The following CNOT1 variants were observed in gnomAD, a reference collection of about 807,000 sequenced individuals.
CNOT1 encodes the protein CCR4-associated factor 1.
A neutral mutation model predicts 273.8 loss-of-function variants in CNOT1; 15 were observed. The observed-to-expected ratio is 0.05, with a 90% confidence interval of 0.04 to 0.08. The LOEUF (loss-of-function observed/expected upper bound fraction) is 0.08, where lower values mean the gene tolerates loss of function less well. Ranked by LOEUF, CNOT1 falls within the 10% of genes least tolerant of loss-of-function variation. The probability of loss-of-function intolerance (pLI) is 1.00; values close to 1 mark genes in which losing one functional copy is unlikely to be tolerated. For synonymous variants in CNOT1, 1,022 were observed against 1,005.5 expected (o/e 1.02, Z -0.31); for missense variants, 1,644 against 2,912.2 (o/e 0.56, Z 10.02).
chr16:58,617,103 G>GT (rs2043117399), intron 1 of CNOT1, among the ~76,000 whole-genome samples: 1 of 152,186 alleles, frequency 6.6e-6, no homozygotes. Context: ...GCTCACGGCT[G>GT]TAATGCCAGC....
intron 1 of CNOT1, among the ~76,000 whole-genome samples, chr16:58,616,387 T>C (rs1488901031): frequency 6.7e-6 from 1 of 150,032 alleles, no homozygotes; most frequent in Non-Finnish European, 1.5e-5. Flanking sequence ...ATTACAGGCG[T>C]GAGCCACCAC....
intron 1 of CNOT1, among the ~76,000 whole-genome samples, chr16:58,620,304 A>T (rs1753968464): frequency 6.6e-6 from 1 of 152,138 alleles, no homozygotes; most frequent in Non-Finnish European, 1.5e-5. Flanking sequence ...CTGAGTTTGG[A>T]CTAGAATGAT....
chr16:58,523,581 G>C, intron 46 of CNOT1, 79 bp from the exon 47 acceptor site: 1 of 1,391,148 alleles, frequency 7.2e-7, no homozygotes, highest in Non-Finnish European at 9.8e-7. Context: ...GCTAGGGTTT[G>C]GGTTTCTGAC....
intron 34 of CNOT1, among the ~76,000 whole-genome samples, chr16:58,540,837 G>A (rs968919106): frequency 2.6e-5 from 4 of 152,118 alleles, no homozygotes; most frequent in East Asian, 1.9e-4. Context: ...CGACCGGTTC[G>A]GGGGAAAATA....
At chr16:58,538,131 G>A (rs758715562) in intron 37 of CNOT1, 27 bp downstream of exon 37, 13 of 1,607,994 alleles carry the variant, frequency 8.1e-6, no homozygotes, top group Non-Finnish European at 3.4e-6. Flanking sequence ...GAGTCCTTTT[G>A]TCCGTGCAAG....
At chr16:58,572,949 A>G (rs914131377) in intron 16 of CNOT1, among the ~76,000 whole-genome samples, 7 of 151,418 alleles carry the variant, frequency 4.6e-5, no homozygotes, top group Non-Finnish European at 8.8e-5. Flanking sequence ...AATAAATAAA[A>G]TAATTAATAA....
chr16:58,625,214 A>G (rs1164276466), intron 1 of CNOT1, among the ~76,000 whole-genome samples: 3 of 152,028 alleles, frequency 2.0e-5, no homozygotes, highest in Non-Finnish European at 4.4e-5. Flanking sequence ...GTAAAACCCC[A>G]TCTCTACTAA....
chr16:58,546,282 A>G (rs752411984), intron 29 of CNOT1, 39 bp downstream of exon 29: 34 of 1,532,200 alleles, frequency 2.2e-5, no homozygotes, highest in Non-Finnish European at 3.0e-5. Context: ...ATAGTATCCT[A>G]GCTAACAGAA....
chr16:58,542,561 G>A lies in CNOT1; in HGVS notation c.4442C>T (p.Ser1481Phe), dbSNP rs1175305705. The A allele has an allele frequency of 2.6e-6, 2 of 762,088 alleles. No individual in the cohort carries two copies. Among genetic ancestry groups the A allele is most frequent in the African/African-American group, 4.6e-5 (2 of 43,826 alleles). 47.2% of individuals were successfully genotyped at this position (762,088 alleles called of 1,614,324 possible). The part of the protein sequence containing the change: ...NSFASALRTA[S>F]PQQREMMDQA... ...ATCCATCATTTCTCTTTGTTGTGGG[G>A]AAGCAGTCTATTAATGGAGGTGGGT... Residue 1481 changes from serine (S) to phenylalanine (F), a missense_variant, in exon 32 of 49, where the codon TCC (serine) becomes TTC (phenylalanine). Ser to Phe is a radical substitution (Grantham distance 155). This residue lies in a region of CNOT1 where 133 missense variants were observed against 230.4 expected (regional missense o/e 0.58). Transcript: ENST00000317147.
At chr16:58,618,121 T>C (rs2043160551) in intron 1 of CNOT1, among the ~76,000 whole-genome samples, 1 of 152,148 alleles carries the variant, frequency 6.6e-6, no homozygotes, top group South Asian at 2.1e-4. Flanking sequence ...ACACAAGTTA[T>C]TAGAAAAACA....
chr16:58,555,216 G>A, intron 21 of CNOT1, 35 bp downstream of exon 21: 1 of 1,606,658 alleles, frequency 6.2e-7, no homozygotes, highest in Non-Finnish European at 8.5e-7. Context: ...GCGGGGTCAG[G>A]GAAGAGATCC....
At chr16:58,525,898 G>A (rs2039566632) in intron 45 of CNOT1, 91 bp downstream of exon 45, 4 of 1,068,910 alleles carry the variant, frequency 3.7e-6, no homozygotes, top group Non-Finnish European at 5.5e-6. Context: ...GACAATAAAA[G>A]ACTAACTCCC....
chr16:58,606,663 T>C (rs2042690351), intron 1 of CNOT1, among the ~76,000 whole-genome samples: 1 of 151,908 alleles, frequency 6.6e-6, no homozygotes, highest in Non-Finnish European at 1.5e-5. Flanking sequence ...ACTAGCCAGG[T>C]GTGGTGGCAG....
At chr16:58,590,019 C>T (rs976776873) in intron 2 of CNOT1, among the ~76,000 whole-genome samples, 8 of 152,346 alleles carry the variant, frequency 5.3e-5, no homozygotes, top group African/African-American at 1.9e-4. Flanking sequence ...GCATTTACCA[C>T]TACCTGCTAA....
At chr16:58,527,784 G>A (rs2039645279) in intron 44 of CNOT1, 1 of 182,210 alleles carries the variant, frequency 5.5e-6, no homozygotes, top group Non-Finnish European at 1.2e-5. Flanking sequence ...AGGGACCAAG[G>A]AACAACTGCA....
Position 58,547,346 on chromosome 16 carries a change from G to C in CNOT1, c.3640-50C>G, listed in dbSNP as rs2040289563. 2 of 1,597,770 alleles carry C rather than the reference G, an allele frequency of 1.3e-6. No individual in the cohort carries two copies. Among genetic ancestry groups the C allele is most frequent in the Admixed American group, 1.8e-5 (1 of 57,034 alleles). ...AAGCGGGGAATATACCCCCCAAAAT[G>C]GTATAACAAAACCAAAGAAAAGTAT... On this transcript the variant is annotated intron_variant, in intron 26 of 48. Transcript: ENST00000317147. This position sits in a 1 kb window ranked among gnomAD's most constrained non-coding sequence, Gnocchi z 4.0.
chr16:58,548,082 T>C (rs2040319861), intron 25 of CNOT1, among the ~76,000 whole-genome samples: 2 of 152,236 alleles, frequency 1.3e-5, no homozygotes, highest in African/African-American at 4.8e-5. Context: ...ATGATAGCCA[T>C]GCTTAAGTCC....
At chr16:58,622,816 T>C (rs1450035684) in intron 1 of CNOT1, among the ~76,000 whole-genome samples, 1 of 139,366 alleles carries the variant, frequency 7.2e-6, no homozygotes, top group Non-Finnish European at 1.5e-5. Context: ...CACTGCACTC[T>C]AACCCAGGCG....
intron 11 of CNOT1, 61 bp downstream of exon 11, chr16:58,581,284 A>G (rs1326246503): frequency 2.0e-5 from 30 of 1,518,776 alleles, no homozygotes; most frequent in Non-Finnish European, 2.6e-5. Flanking sequence ...GGTAGATGGC[A>G]CTACATAAAG....
Sources: gnomAD v4.1 joint callset for allele counts (sites outside exome capture counted in the v4.1 genomes callset) on GRCh38, gnomAD v4.1.1 for gene constraint, gnomAD v4.1.1 regional missense constraint, Gnocchi (gnomAD v3.1) non-coding constraint, MANE v1.5 for transcripts, NCBI Gene and HGNC (gene_info 2026-07-23, HGNC 2026-07-21) for gene names.